Variants in IGSF10 observed in about 807,000 individuals in gnomAD.
The protein encoded by IGSF10 is calvaria mechanical force protein 608.
In IGSF10, 126 loss-of-function variants were observed where a neutral mutation model predicts 128.2. The ratio of observed to expected loss-of-function variants is 0.98; its 90% CI spans 0.85 to 1.14. IGSF10 has a LOEUF of 1.14. Ranked by LOEUF, IGSF10 falls within the 50% of genes most tolerant of loss-of-function variation. IGSF10 has a pLI of 0.00. For missense variants in IGSF10, 3,295 were observed against 3,149.8 expected, an observed-to-expected ratio of 1.05 and a Z score of -1.10; for synonymous variants, 1,185 against 1,146.2, an observed-to-expected ratio of 1.03 and a Z score of -0.68.
chr3:151,558,519 ATT>A, the IGSF10 span, among the ~76,000 whole-genome samples: 3,933 of 148,144 alleles, frequency 0.027, 100 homozygotes, highest in East Asian at 0.13. Context: ...CCATGAATAC[ATT>A]TTTTTTTTTT....
chr3:151,581,711 A>G, the IGSF10 span, among the ~76,000 whole-genome samples: 14 of 152,230 alleles, frequency 9.2e-5, no homozygotes, highest in Admixed American at 7.9e-4. Flanking sequence ...CCATTTATGA[A>G]TAAGTTTATA....
chr3:151,432,893 C>T (rs867843907), downstream of IGSF10: 12 of 946,590 alleles, frequency 1.3e-5, no homozygotes, highest in Middle Eastern at 1.8e-3. Flanking sequence ...AAAAATGTCC[C>T]TTTTTTTCAT....
chr3:151,468,467 C>T, the IGSF10 span, among the ~76,000 whole-genome samples: 2 of 152,186 alleles, frequency 1.3e-5, no homozygotes, highest in Non-Finnish European at 2.9e-5. Flanking sequence ...CAATAAGCCT[C>T]CCTTTAGGCT....
At chr3:151,432,889 G>T, downstream of IGSF10, 2 of 978,736 alleles carry the variant, frequency 2.0e-6, no homozygotes, top group East Asian at 2.8e-5. Context: ...TCTTAAAAAT[G>T]TCCCTTTTTT....
chr3:151,449,519 T>C (rs1252010262), intron 5 of IGSF10, among the ~76,000 whole-genome samples: 2 of 152,232 alleles, frequency 1.3e-5, no homozygotes, highest in Non-Finnish European at 2.9e-5. Flanking sequence ...GTTCAGCAAA[T>C]GCCTGATATA....
At chr3:151,474,329 T>C in the IGSF10 span, among the ~76,000 whole-genome samples, 6 of 152,224 alleles carry the variant, frequency 3.9e-5, no homozygotes, top group South Asian at 1.2e-3. Flanking sequence ...CTTAAAGAAA[T>C]CTCTCAAGAG....
At chr3:151,459,490 G>A (rs947928138) in intron 2 of IGSF10, among the ~76,000 whole-genome samples, 3 of 152,130 alleles carry the variant, frequency 2.0e-5, no homozygotes, top group Admixed American at 6.5e-5. Flanking sequence ...ATGACCATAA[G>A]CAACAGCGAC....
the IGSF10 span, among the ~76,000 whole-genome samples, chr3:151,516,917 G>T: frequency 6.6e-6 from 1 of 151,916 alleles, no homozygotes; most frequent in East Asian, 1.9e-4. Context: ...TTGACAGAGA[G>T]GGTGTTTTTC....
chr3:151,557,256 G>A, the IGSF10 span, among the ~76,000 whole-genome samples: 1,049 of 152,262 alleles, frequency 6.9e-3, 15 homozygotes, highest in African/African-American at 0.025. Context: ...TCATAGGAGA[G>A]CTGTAGGCAA....
chr3:151,443,659 A>T lies in IGSF10; in HGVS notation c.5288T>A (p.Val1763Glu), dbSNP rs1024443244. The change falls in exon 7 of 8, where the codon GTG becomes GAG. Residue 1763 changes from valine (V) to glutamate (E), a missense_variant. By Grantham distance (121) the Val-to-Glu change is moderately radical (BLOSUM62 -2). Transcript: ENST00000282466. ...ACCTTCTGCTCTGCACTTCAGTTCCACAGTGCTTCCGGAATGAACTGTGAT... is the reference window on the plus strand; with the variant it reads ...ACCTTCTGCTCTGCACTTCAGTTCCTCAGTGCTTCCGGAATGAACTGTGAT... ...KEITVHSGST[V>E]ELKCRAEGRP... 2 of 1,614,186 alleles carry T rather than the reference A, an allele frequency of 1.2e-6. No individual in the cohort carries two copies. Among genetic ancestry groups the T allele is most frequent in the Middle Eastern group, 1.6e-4 (1 of 6,062 alleles).
At chr3:151,570,145 T>G in the IGSF10 span, among the ~76,000 whole-genome samples, 1 of 152,318 alleles carries the variant, frequency 6.6e-6, no homozygotes, top group Non-Finnish European at 1.5e-5. Context: ...TGTTGGACAT[T>G]TGGGTTGGTT....
At chr3:151,449,626 A>C (rs375615152) in intron 5 of IGSF10, among the ~76,000 whole-genome samples, 1 of 152,228 alleles carries the variant, frequency 6.6e-6, no homozygotes, top group African/African-American at 2.4e-5. Flanking sequence ...TATTAATAAC[A>C]GTTTAGTTCT....
chr3:151,460,846 C>T, intron 1 of IGSF10, 100 bp downstream of exon 1: 1 of 875,642 alleles, frequency 1.1e-6, no homozygotes, highest in Non-Finnish European at 1.4e-6. Context: ...CGCCCCAGCG[C>T]CCGCTTCTGC....
chr3:151,445,162 CAA>C lies in IGSF10; in HGVS notation c.4817_4818del (p.Leu1606ArgfsTer14), dbSNP rs778457478. 232 of 1,614,226 alleles carry C rather than the reference CAA, an allele frequency of 1.4e-4. 2 individuals carry two copies. In the South Asian group the frequency reaches 2.4e-3, roughly 17 times the overall value. On this transcript the variant is annotated frameshift_variant, in exon 6 of 8. Transcript: ENST00000282466. LOFTEE classifies it high-confidence loss of function. Reference sequence around the variant, plus strand: ...TTCTTCTGTCCATCCCAATCTGAAACAAGAGTGGTGGCCTCGGACAGGCCTGT... The same window carrying C: ...TTCTTCTGTCCATCCCAATCTGAAACGAGTGGTGGCCTCGGACAGGCCTGT... Reference protein sequence around the residue: ...ATTGLSEATTLVSDWDGQKNT... With the variant: ...ATTGLSEATTXVSDWDGQKNT...
Position 151,447,990 on chromosome 3 carries a change from A to C in IGSF10, c.1991T>G (p.Met664Arg). 6.2e-7 allele frequency: 1 copy of C among 1,614,174 alleles called. No homozygotes were observed. ...DFLIFQVSVK[M>R]KGQRPLEHDG... ...ATGCTCCAAGGGCCTTTGTCCTTTCATCTTGACTGAAACTTGGAAAATCAA... is the reference window on the plus strand; with the variant it reads ...ATGCTCCAAGGGCCTTTGTCCTTTCCTCTTGACTGAAACTTGGAAAATCAA... The change falls in exon 6 of 8, where the codon ATG (methionine) becomes AGG (arginine). Residue 664 changes from methionine to arginine, a missense_variant. By Grantham distance (91) the Met-to-Arg change is moderately conservative (BLOSUM62 -1). Coordinates refer to ENST00000282466, the MANE Select transcript of IGSF10 (RefSeq NM_178822.5).
chr3:151,579,133 G>A, the IGSF10 span, among the ~76,000 whole-genome samples: 2 of 152,172 alleles, frequency 1.3e-5, no homozygotes, highest in East Asian at 1.9e-4. Flanking sequence ...ACAAGATAAT[G>A]CTAGAGAAAT....
chr3:151,448,993 T>C lies in IGSF10; in HGVS notation c.988A>G (p.Met330Val), dbSNP rs1313480899. The C allele has an allele frequency of 1.9e-6, 3 of 1,614,232 alleles. No individual in the cohort carries two copies. Among genetic ancestry groups the C allele is most frequent in the Admixed American group, 3.3e-5 (2 of 60,028 alleles). ...GAGGGCTTTTGAATACTGCAGACCA[T>C]GTTAGCTTCATTTCCAGACTGATCT... ...MTDQSGNEANMVCSIQKPSRT... is the reference protein window; with the variant it reads ...MTDQSGNEANVVCSIQKPSRT... The change falls in exon 6 of 8, where the codon ATG (methionine) becomes GTG (valine). Residue 330 changes from methionine to valine, a missense_variant. Met to Val is a conservative substitution (Grantham distance 21, BLOSUM62 1). Coordinates refer to ENST00000282466, the MANE Select transcript of IGSF10 (RefSeq NM_178822.5).
intron 5 of IGSF10, among the ~76,000 whole-genome samples, chr3:151,452,963 G>C (rs1359982704): frequency 6.6e-6 from 1 of 152,000 alleles, no homozygotes; most frequent in Non-Finnish European, 1.5e-5. Context: ...TTGTGGTGTG[G>C]CAGGAAGTTG....
the IGSF10 span, among the ~76,000 whole-genome samples, chr3:151,619,269 G>C: frequency 1.3e-5 from 2 of 151,872 alleles, no homozygotes; most frequent in Non-Finnish European, 2.9e-5. Flanking sequence ...CTTCCACCTT[G>C]ATTATTTTGA....
Sources: allele counts gnomAD v4.1 joint callset (sites outside exome capture counted in the v4.1 genomes callset), GRCh38; gene constraint gnomAD v4.1.1; transcripts MANE v1.5; gene names NCBI Gene and HGNC (gene_info 2026-07-23, HGNC 2026-07-21).